AGAP1: variants seen among roughly 807,000 people sequenced by gnomAD.
The protein encoded by AGAP1 is ArfGAP with GTPase domain, ankyrin repeat and PH domain 1, also known as arf-GAP with GTPase, ANK repeat and PH domain-containing protein 1.
In AGAP1, 29 loss-of-function variants were observed where a neutral mutation model predicts 105.3. The observed-to-expected ratio is 0.28, with a 90% CI of 0.21 to 0.38. AGAP1 has a LOEUF of 0.38. Among genes scored for constraint, AGAP1 ranks in the 10% least tolerant of loss-of-function variants. The pLI is 1.00. For synonymous variants in AGAP1, 509 were observed against 485.9 expected (o/e 1.05, Z -0.63); for missense variants, 998 against 1,165.1 (o/e 0.86, Z 2.09).
At chr2:235,924,849 T>C (rs2052367894) in intron 11 of AGAP1, among the ~76,000 whole-genome samples, 3 of 152,208 alleles carry the variant, frequency 2.0e-5, no homozygotes, top group Admixed American at 1.3e-4. Flanking sequence ...TGCTCCCTCT[T>C]AAAGTAGACA....
intron 1 of AGAP1, among the ~76,000 whole-genome samples, chr2:235,604,861 C>T (rs553567523): frequency 1.3e-5 from 2 of 151,456 alleles, no homozygotes; most frequent in Middle Eastern, 3.5e-3. Context: ...GGATTACAGG[C>T]GTGAGCCATC....
At position 235,551,921 on chromosome 2, in the gene AGAP1, C is replaced by T. The variant is rs935720825; in HGVS notation, c.163+57072C>T. Among the ~76,000 whole-genome samples the T allele has an allele frequency of 6.6e-6, 1 of 152,290 alleles. No homozygotes were observed. The highest frequency in any genetic ancestry group is 2.4e-5 in the African/African-American group (1 of 41,552). Reference sequence around the variant, plus strand: ...TTTCAGCTGTGAGGAGCCAGGAGGGCGATCCCAGCTTTCTCCTGGTTAATT... The same window carrying T: ...TTTCAGCTGTGAGGAGCCAGGAGGGTGATCCCAGCTTTCTCCTGGTTAATT... On this transcript the variant is annotated intron_variant, in intron 1 of 17. Transcript: ENST00000304032. The surrounding 1 kb of genome is among the most constrained non-coding windows in gnomAD (Gnocchi z 4.8).
At position 235,612,667 on chromosome 2, in the gene AGAP1, T is replaced by C. The variant is rs1275747799; in HGVS notation, c.164-96512T>C. Among the ~76,000 whole-genome samples, 2 of 152,224 alleles carry C rather than the reference T, an allele frequency of 1.3e-5. No individual in the cohort carries two copies. Among genetic ancestry groups the C allele is most frequent in the Admixed American group, 6.5e-5 (1 of 15,290 alleles). ...CACGTGTACCAAACTTGGGAAATCCTGACCAGCGCATCCAGGGTTGCTTGG... is the reference window on the plus strand; with the variant it reads ...CACGTGTACCAAACTTGGGAAATCCCGACCAGCGCATCCAGGGTTGCTTGG... On this transcript the variant is annotated intron_variant, in intron 1 of 17. Transcript: ENST00000304032. The surrounding 1 kb of genome is among the most constrained non-coding windows in gnomAD (Gnocchi z 4.3).
At chr2:235,838,194 C>T (rs74648228) in intron 9 of AGAP1, among the ~76,000 whole-genome samples, 1 of 151,890 alleles carries the variant, frequency 6.6e-6, no homozygotes, top group African/African-American at 2.4e-5. Flanking sequence ...CCCCCACCCC[C>T]CCAAAAAAAG....
At chr2:235,583,325 C>G (rs1490479352) in intron 1 of AGAP1, among the ~76,000 whole-genome samples, 1 of 152,112 alleles carries the variant, frequency 6.6e-6, no homozygotes, top group Admixed American at 6.5e-5. Context: ...TCTCATGTAA[C>G]TCTGGGGTAA....
intron 16 of AGAP1, among the ~76,000 whole-genome samples, chr2:236,108,318 A>T (rs982361666): frequency 6.6e-6 from 1 of 151,974 alleles, no homozygotes; most frequent in African/African-American, 2.4e-5. Context: ...GTTTTGCTTG[A>T]GGCAGGAAGC....
Position 235,824,087 on chromosome 2 carries a change from T to A in AGAP1, c.1050+16756T>A, listed in dbSNP as rs1327212203. On this transcript the variant is annotated intron_variant, in intron 9 of 17. Transcript: ENST00000304032. The surrounding 1 kb of genome is among the most constrained non-coding windows in gnomAD (Gnocchi z 5.2). ...CCCAGTATGTAACTTAACTTATATATAACTTAACATTCTGTTTATGTTAAA... is the reference window on the plus strand; with the variant it reads ...CCCAGTATGTAACTTAACTTATATAAAACTTAACATTCTGTTTATGTTAAA... Among the ~76,000 whole-genome samples, 4 of 152,246 alleles carry A rather than the reference T, an allele frequency of 2.6e-5. No individual in the cohort carries two copies. The highest frequency in any genetic ancestry group is 9.6e-5 in the African/African-American group (4 of 41,462).
rs1200334529 is a variant in AGAP1, at chr2:235,716,727, A to G, written c.223-830A>G. ...TGGGGGGTATCCAGCTCCCAAGCAC[A>G]GGGAAAGGGAGGCTCCCTGTAGGAT... On this transcript the variant is annotated intron_variant, in intron 2 of 17. Coordinates refer to ENST00000304032, the MANE Select transcript of AGAP1 (RefSeq NM_001037131.3). This position sits in a 1 kb window ranked among gnomAD's most constrained non-coding sequence, Gnocchi z 4.0. Among the ~76,000 whole-genome samples the G allele has an allele frequency of 3.3e-5, 5 of 152,106 alleles. No individual in the cohort carries two copies. Among genetic ancestry groups the G allele is most frequent in the African/African-American group, 1.2e-4 (5 of 41,408 alleles).
intron 1 of AGAP1, among the ~76,000 whole-genome samples, chr2:235,678,907 G>GCC (rs1406936809): frequency 6.6e-6 from 1 of 152,144 alleles, no homozygotes; most frequent in African/African-American, 2.4e-5. Flanking sequence ...TCGCCATGTA[G>GCC]CCCCTCTCGA....
At chr2:235,672,559 G>GTTA (rs1284563295) in intron 1 of AGAP1, among the ~76,000 whole-genome samples, 4 of 152,220 alleles carry the variant, frequency 2.6e-5, no homozygotes, top group African/African-American at 9.6e-5. Flanking sequence ...CATGATGCGT[G>GTTA]TTATTTTGTT....
intron 12 of AGAP1, among the ~76,000 whole-genome samples, chr2:235,939,609 A>G (rs1002456379): frequency 6.7e-6 from 1 of 150,050 alleles, no homozygotes; most frequent in East Asian, 2.0e-4. Flanking sequence ...ATTCTCTTCA[A>G]CCCTCTCCCA....
intron 12 of AGAP1, among the ~76,000 whole-genome samples, chr2:235,944,811 A>G (rs908703125): frequency 2.0e-5 from 3 of 152,108 alleles, no homozygotes. Context: ...AGGCCCCCAG[A>G]TGAGATTTGT....
rs184490635 is a variant in AGAP1 at position 235,620,650 on chromosome 2, C to T, written c.164-88529C>T. 7.4e-4 allele frequency among the ~76,000 whole-genome samples: 113 copies of T among 152,262 alleles called. 1 individual carries two copies. The highest frequency in any genetic ancestry group is 2.6e-3 in the African/African-American group (106 of 41,566). ...TCACCTCCTCACCTGCTTCCTATTT[C>T]CCCATAAACCCCAGCTCCCTGACAT... is the stretch of plus-strand genomic sequence containing the variant. On this transcript the variant is annotated intron_variant, in intron 1 of 17. Coordinates refer to ENST00000304032, the MANE Select transcript of AGAP1 (RefSeq NM_001037131.3). This position sits in a 1 kb window ranked among gnomAD's most constrained non-coding sequence, Gnocchi z 4.5.
intron 12 of AGAP1, among the ~76,000 whole-genome samples, chr2:235,952,297 G>T (rs921204947): frequency 2.6e-5 from 4 of 152,004 alleles, no homozygotes; most frequent in East Asian, 1.9e-4. Context: ...TCCTAAAACA[G>T]CAGGAGAGAA....
At chr2:236,006,581 G>A (rs1171692902) in intron 13 of AGAP1, among the ~76,000 whole-genome samples, 1 of 152,194 alleles carries the variant, frequency 6.6e-6, no homozygotes, top group African/African-American at 2.4e-5. Flanking sequence ...CATGAGGAAT[G>A]GCTACAACTA....
intron 1 of AGAP1, among the ~76,000 whole-genome samples, chr2:235,703,348 C>G (rs1950351456): frequency 6.6e-6 from 1 of 152,140 alleles, no homozygotes; most frequent in Admixed American, 6.5e-5. Context: ...GTGTGCCTGT[C>G]TCTGAGCGGG....
chr2:235,564,369 C>T (rs2149143327), intron 1 of AGAP1, among the ~76,000 whole-genome samples: 1 of 152,278 alleles, frequency 6.6e-6, no homozygotes, highest in South Asian at 2.1e-4. Context: ...GTACAGTAGG[C>T]CAGGGAGGCC....
intron 1 of AGAP1, among the ~76,000 whole-genome samples, chr2:235,678,899 G>A (rs562017098): frequency 1.3e-5 from 2 of 152,220 alleles, no homozygotes; most frequent in African/African-American, 4.8e-5. Flanking sequence ...CTTGTGTTTC[G>A]CCATGTAGCC....
At chr2:235,929,192 G>C (rs1295221382) in intron 11 of AGAP1, among the ~76,000 whole-genome samples, 2 of 152,152 alleles carry the variant, frequency 1.3e-5, no homozygotes, top group African/African-American at 4.8e-5. Flanking sequence ...TTTTGATTGT[G>C]ATTTTTTGTT....
Sources: gnomAD v4.1 joint callset for allele counts (sites outside exome capture counted in the v4.1 genomes callset) on GRCh38, gnomAD v4.1.1 for gene constraint, Gnocchi (gnomAD v3.1) non-coding constraint, MANE v1.5 for transcripts, NCBI Gene and HGNC (gene_info 2026-07-23, HGNC 2026-07-21) for gene names.